Variants in TM4SF4 observed in about 807,000 individuals in gnomAD.
The protein encoded by TM4SF4 is transmembrane 4 L6 family member 4.
In TM4SF4, 24 loss-of-function variants were observed where a neutral mutation model predicts 24.1. That is an observed-to-expected ratio of 1.00 (90% CI 0.72 to 1.40). TM4SF4 has a LOEUF of 1.40. Ranked by LOEUF, TM4SF4 falls within the 40% of genes most tolerant of loss-of-function variation. The pLI is 0.00. For missense variants in TM4SF4, 254 were observed against 254.2 expected, an observed-to-expected ratio of 1.00 and a Z score of 0.01; for synonymous variants, 113 against 97.0, an observed-to-expected ratio of 1.17 and a Z score of -0.97.
intron 3 of TM4SF4, among the ~76,000 whole-genome samples, chr3:149,491,621 CT>C (rs1233417180): frequency 1.3e-5 from 2 of 151,954 alleles, no homozygotes; most frequent in Admixed American, 6.6e-5. Context: ...TTATTTTGTG[CT>C]GAAGCCTATC....
At chr3:149,478,585 G>A (rs1733976446) in intron 2 of TM4SF4, among the ~76,000 whole-genome samples, 1 of 152,208 alleles carries the variant, frequency 6.6e-6, no homozygotes, top group Non-Finnish European at 1.5e-5. Context: ...GGCATGAATT[G>A]AGGATAACTC....
At chr3:149,483,299 A>G (rs73152638) in intron 2 of TM4SF4, among the ~76,000 whole-genome samples, 39,283 of 152,050 alleles carry the variant, frequency 0.26, 5,495 homozygotes, top group Non-Finnish European at 0.31. Flanking sequence ...AAAACCAGCC[A>G]TATAAACTCT....
chr3:149,497,919 A>G (rs1734340718), intron 3 of TM4SF4, among the ~76,000 whole-genome samples: 1 of 152,136 alleles, frequency 6.6e-6, no homozygotes, highest in Non-Finnish European at 1.5e-5. Context: ...TGCTGGGATT[A>G]CAGGTGTGAG....
intron 2 of TM4SF4, among the ~76,000 whole-genome samples, chr3:149,482,987 G>A (rs72996041): frequency 0.014 from 2,169 of 152,242 alleles, 49 homozygotes; most frequent in African/African-American, 0.049. Flanking sequence ...ATAACTTAAA[G>A]CAACATGACG....
intron 2 of TM4SF4, among the ~76,000 whole-genome samples, chr3:149,484,549 A>G (rs1332979824): frequency 7.3e-6 from 1 of 136,300 alleles, no homozygotes; most frequent in African/African-American, 2.6e-5. Context: ...ACACCCCGCT[A>G]ATTTTTTTTT....
At chr3:149,479,661 C>T (rs1734000220) in intron 2 of TM4SF4, among the ~76,000 whole-genome samples, 1 of 152,176 alleles carries the variant, frequency 6.6e-6, no homozygotes, top group Non-Finnish European at 1.5e-5. Flanking sequence ...TTCGGGGACA[C>T]GGGGCTTCTG....
chr3:149,479,444 T>G (rs1262610898), intron 2 of TM4SF4, among the ~76,000 whole-genome samples: 3 of 151,202 alleles, frequency 2.0e-5, no homozygotes, highest in Admixed American at 6.6e-5. Context: ...ACTCCTGAAC[T>G]CAAGCAATCC....
chr3:149,498,848 C>T lies in TM4SF4; in HGVS notation c.528C>T (p.Ile176=). The change falls in exon 4 of 5, where the codon ATC becomes ATT. Residue 176 remains isoleucine (I), a synonymous_variant. Coordinates refer to ENST00000305354, the MANE Select transcript of TM4SF4 (RefSeq NM_004617.4). ...GAATCCAGATGGTTCTCTGCGCCAT[C>T]CAGGTGGTCAATGGCCTCCTGGGGA... ...VGGIQMVLCA[I]QVVNGLLGTL... The T allele has an allele frequency of 1.9e-6, 3 of 1,613,996 alleles. No individual in the cohort carries two copies. The highest frequency in any genetic ancestry group is 2.2e-5 in the East Asian group (1 of 44,878).
At chr3:149,475,254 T>C (rs951224312) in intron 1 of TM4SF4, among the ~76,000 whole-genome samples, 1 of 152,194 alleles carries the variant, frequency 6.6e-6, no homozygotes, top group Non-Finnish European at 1.5e-5. Flanking sequence ...ACTAAGTAAT[T>C]AATCTCTAAG....
chr3:149,480,723 G>A (rs539545543), intron 2 of TM4SF4, among the ~76,000 whole-genome samples: 2 of 151,774 alleles, frequency 1.3e-5, no homozygotes, highest in African/African-American at 4.8e-5. Context: ...ATTTTAGAAA[G>A]ACATTTCCTT....
intron 3 of TM4SF4, among the ~76,000 whole-genome samples, chr3:149,488,814 C>T (rs767227679): frequency 3.0e-4 from 46 of 152,248 alleles, no homozygotes; most frequent in Non-Finnish European, 5.6e-4. Context: ...GCACATCCCA[C>T]AGAGTCAGGA....
Position 149,498,881 on chromosome 3 carries a change from T to G in TM4SF4, c.561T>G (p.Cys187Trp). ...TCAATGGCCTCCTGGGGACCCTCTG[T>G]GGGGACTGCCAGTGTTGTGGCTGCT... ...QVVNGLLGTL[C>W]GDCQCCGCCG... is the part of the protein sequence containing the mutation. The change falls in exon 4 of 5, where the codon TGT (cysteine) becomes TGG (tryptophan). Residue 187 changes from cysteine to tryptophan, a missense_variant. By Grantham distance (215) the Cys-to-Trp change is radical (BLOSUM62 -2). Transcript: ENST00000305354. The G allele has an allele frequency of 1.9e-6, 3 of 1,613,894 alleles. No individual in the cohort carries two copies. Among genetic ancestry groups the G allele is most frequent in the Non-Finnish European group, 2.5e-6 (3 of 1,179,842 alleles).
At chr3:149,483,421 CCTGGG>C (rs1471632681) in intron 2 of TM4SF4, among the ~76,000 whole-genome samples, 1 of 151,954 alleles carries the variant, frequency 6.6e-6, no homozygotes, top group Non-Finnish European at 1.5e-5. Flanking sequence ...TCGAGACCAG[CCTGGG>C]CAACACAGTG....
intron 2 of TM4SF4, among the ~76,000 whole-genome samples, chr3:149,481,095 C>T (rs1465282376): frequency 1.3e-5 from 2 of 152,146 alleles, no homozygotes; most frequent in African/African-American, 4.8e-5. Flanking sequence ...CTTCTGACCT[C>T]TTGATCTGCC....
chr3:149,475,811 T>C lies in TM4SF4; in HGVS notation c.175-12T>C. 1 of 1,603,270 alleles carries C rather than the reference T, an allele frequency of 6.2e-7. No individual in the cohort carries two copies. The highest frequency in any genetic ancestry group is 8.5e-7 in the Non-Finnish European group (1 of 1,174,944). On this transcript the variant is annotated splice_polypyrimidine_tract_variant and intron_variant, in intron 1 of 4. Coordinates refer to ENST00000305354, the MANE Select transcript of TM4SF4 (RefSeq NM_004617.4). ...TCCTGGACTCTCTCTGAGGTGCCTC[T>C]TCTCCTGGTAGATGATCTTCCCTGC...
At chr3:149,495,270 G>A in intron 3 of TM4SF4, 1 of 223,540 alleles carries the variant, frequency 4.5e-6, no homozygotes, top group South Asian at 7.3e-5. Flanking sequence ...ACATGCCTTG[G>A]TTCAAGGGAT....
chr3:149,479,366 C>CT (rs62958360), intron 2 of TM4SF4, among the ~76,000 whole-genome samples: 44,815 of 139,110 alleles, frequency 0.32, 7,407 homozygotes, highest in Non-Finnish European at 0.38. Flanking sequence ...CTTTTCTTTT[C>CT]TTTTTTTTTT....
At chr3:149,479,157 C>G (rs1733988507) in intron 2 of TM4SF4, among the ~76,000 whole-genome samples, 1 of 152,020 alleles carries the variant, frequency 6.6e-6, no homozygotes, top group Non-Finnish European at 1.5e-5. Flanking sequence ...ATCTGGCACC[C>G]CTAGCCTGCA....
rs374635570 is a variant in TM4SF4, at chr3:149,487,797, G to T, written c.401+42G>T. ...CAATGCCCACCTGTCACCACAAGGG[G>T]CATGGGCAGATAAATTGCCCAAGGG... On this transcript the variant is annotated intron_variant, in intron 3 of 4. Transcript: ENST00000305354. 3.1e-6 allele frequency: 5 copies of T among 1,603,214 alleles called. No individual in the cohort carries two copies. The African/African-American group carries it at 4.0e-5, about 13-fold the overall frequency.
Sources: allele counts gnomAD v4.1 joint callset (sites outside exome capture counted in the v4.1 genomes callset), GRCh38; gene constraint gnomAD v4.1.1; transcripts MANE v1.5; gene names NCBI Gene and HGNC (gene_info 2026-07-23, HGNC 2026-07-21).